The following DMD variants were observed in gnomAD, a reference collection of about 807,000 sequenced individuals.
DMD encodes mutant dystrophin.
A neutral mutation model predicts 330.1 loss-of-function variants in DMD; 63 were observed. The observed-to-expected ratio is 0.19, with a 90% CI of 0.16 to 0.24. The LOEUF (loss-of-function observed/expected upper bound fraction) is 0.24, where lower values mean the gene tolerates loss of function less well. Ranked by LOEUF, DMD falls within the 10% of genes least tolerant of loss-of-function variation. DMD has a pLI of 1.00. For synonymous variants in DMD, 1,223 were observed against 959.8 expected, an observed-to-expected ratio of 1.27 and a Z score of -5.07; for missense variants, 3,344 against 2,684.1, an observed-to-expected ratio of 1.25 and a Z score of -5.43.
intron 55 of DMD, among the ~76,000 whole-genome samples, chrX:31,549,102 T>A (rs1005124835): frequency 3.6e-5 from 4 of 111,626 alleles, no homozygotes; most frequent in Admixed American, 2.9e-4. Context: ...ATTGAAATTG[T>A]GTGAAATTAG....
At chrX:32,877,813 T>G (rs932565234) in intron 2 of DMD, among the ~76,000 whole-genome samples, 6 of 111,877 alleles carry the variant, frequency 5.4e-5, no homozygotes, top group African/African-American at 2.0e-4. Context: ...TGTATCAAGT[T>G]GCAACAAGCT....
chrX:31,369,553 G>A (rs1162151775), intron 60 of DMD, among the ~76,000 whole-genome samples: 3 of 111,635 alleles, frequency 2.7e-5, no homozygotes, highest in Non-Finnish European at 3.8e-5. Flanking sequence ...TGGGTGAAGC[G>A]TAGCGTTCAT....
intron 63 of DMD, among the ~76,000 whole-genome samples, chrX:31,256,358 G>A (rs2049957733): frequency 9.0e-6 from 1 of 111,479 alleles, no homozygotes; most frequent in Non-Finnish European, 1.9e-5. Flanking sequence ...TCATCATAGT[G>A]AACCTTTAAA....
In DMD at chrX:32,287,461, T is replaced by C; in HGVS notation, c.6290+68A>G. The C allele has an allele frequency of 3.7e-6, 4 of 1,075,418 alleles. No individual in the cohort carries two copies. In the South Asian group the frequency reaches 7.6e-5, roughly 21 times the overall value. 88.6% of individuals were successfully genotyped at this position (1,075,418 alleles called of 1,213,427 possible). On this transcript the variant is annotated intron_variant, in intron 43 of 78. Transcript: ENST00000357033. ...CTTTTTTCCATGGAGGGTACTGAAA[T>C]AAATTCTACAGTTCCCTGAAAACAA...
At chrX:31,686,537 A>G (rs1159362293) in intron 52 of DMD, among the ~76,000 whole-genome samples, 1 of 112,168 alleles carries the variant, frequency 8.9e-6, no homozygotes, top group Non-Finnish European at 1.9e-5. Context: ...AACCACATTC[A>G]TTTGTATAAA....
intron 47 of DMD, among the ~76,000 whole-genome samples, chrX:31,897,273 T>C (rs1219629203): frequency 8.9e-6 from 1 of 111,887 alleles, no homozygotes; most frequent in Non-Finnish European, 1.9e-5. Flanking sequence ...TATGGCTGCA[T>C]AGTATTGCAT....
At chrX:32,540,117 T>C (rs1040004925) in intron 17 of DMD, among the ~76,000 whole-genome samples, 21 of 111,796 alleles carry the variant, frequency 1.9e-4, no homozygotes, top group African/African-American at 5.9e-4. Context: ...AAATAACTGC[T>C]ACATGATTAG....
intron 2 of DMD, among the ~76,000 whole-genome samples, chrX:32,854,776 C>T (rs894896555): frequency 3.6e-5 from 4 of 111,083 alleles, no homozygotes; most frequent in African/African-American, 1.3e-4. Context: ...ATTGAAACAC[C>T]TAATACTCAA....
At chrX:31,140,768 G>A (rs1033714673) in intron 76 of DMD, among the ~76,000 whole-genome samples, 2 of 48,118 alleles carry the variant, frequency 4.2e-5, no homozygotes, top group African/African-American at 9.9e-5. Flanking sequence ...AACTCAACAA[G>A]CACTTTACTG....
intron 1 of DMD, among the ~76,000 whole-genome samples, chrX:33,133,594 G>C (rs867508601): frequency 9.0e-6 from 1 of 111,620 alleles, no homozygotes; most frequent in Middle Eastern, 4.4e-3. Flanking sequence ...TTCTCAATAA[G>C]AGTAAAGGAT....
intron 16 of DMD, among the ~76,000 whole-genome samples, chrX:32,549,811 T>G (rs1603636051): frequency 8.9e-6 from 1 of 112,061 alleles, no homozygotes; most frequent in East Asian, 2.8e-4. Context: ...AATGAAGTTC[T>G]TTCTTTCCAT....
chrX:31,155,425 C>T (rs1229524410), intron 74 of DMD, among the ~76,000 whole-genome samples: 1 of 112,268 alleles, frequency 8.9e-6, no homozygotes, highest in African/African-American at 3.2e-5. Context: ...TGAGCACACA[C>T]AGGGATTATT....
chrX:31,801,357 T>A (rs1277313989), intron 50 of DMD, among the ~76,000 whole-genome samples: 20 of 110,997 alleles, frequency 1.8e-4, no homozygotes, highest in Non-Finnish European at 7.5e-5. Context: ...CATGATTCAA[T>A]TACTTCCCCC....
intron 1 of DMD, among the ~76,000 whole-genome samples, chrX:33,201,589 GAATGTATGCAACTA>G (rs1444489034): frequency 9.0e-6 from 1 of 111,487 alleles, no homozygotes; most frequent in Non-Finnish European, 1.9e-5. Flanking sequence ...TACACTATAT[GAATGTATGCAACTA>G]AATATCACAC....
Position 32,317,273 on chromosome X carries a change from T to A in DMD, c.5923-6997A>T, listed in dbSNP as rs535216811. 3.0e-4 allele frequency among the ~76,000 whole-genome samples: 34 copies of A among 111,496 alleles called. No homozygotes were observed. The South Asian group carries it at 7.8e-3, about 26-fold the overall frequency. On this transcript the variant is annotated intron_variant, in intron 41 of 78. Coordinates refer to ENST00000357033, the MANE Select transcript of DMD (RefSeq NM_004006.3). ...CTCATTTTCTAGAAACAAAAAGATA[T>A]GTGAAAGAAACCATAAAATGCCTAT... is the stretch of plus-strand genomic sequence containing the variant.
chrX:32,986,472 A>C lies in DMD; in HGVS notation c.93+33667T>G, dbSNP rs188599608. On this transcript the variant is annotated intron_variant, in intron 2 of 78. Coordinates refer to ENST00000357033, the MANE Select transcript of DMD (RefSeq NM_004006.3). ...ATCATTTTAAAGAGCTCTCTCAGTG[A>C]GTATTAATTGTGTTCATAGCTAGAT... Among the ~76,000 whole-genome samples the C allele has an allele frequency of 2.0e-3, 227 of 112,455 alleles. 1 individual carries two copies. Among genetic ancestry groups the C allele is most frequent in the Non-Finnish European group, 3.5e-3 (189 of 53,293 alleles).
At chrX:33,273,807 A>G (rs1275130724) in intron 1 of DMD, among the ~76,000 whole-genome samples, 1 of 112,354 alleles carries the variant, frequency 8.9e-6, no homozygotes, top group African/African-American at 3.2e-5. Flanking sequence ...CTCTGTAAAT[A>G]TGAGAGGCAA....
intron 47 of DMD, among the ~76,000 whole-genome samples, chrX:31,910,515 C>T (rs762466636): frequency 8.9e-6 from 1 of 112,172 alleles, no homozygotes; most frequent in East Asian, 2.8e-4. Context: ...TCTCCTTGGA[C>T]CGTCTAGTGC....
At chrX:32,435,170 T>C (rs186940622) in intron 29 of DMD, among the ~76,000 whole-genome samples, 116 of 105,894 alleles carry the variant, frequency 1.1e-3, no homozygotes, top group African/African-American at 3.9e-3. Context: ...TATTTCATAT[T>C]GCACTATCTG....
Sources: gnomAD v4.1 joint callset for allele counts (sites outside exome capture counted in the v4.1 genomes callset) on GRCh38, gnomAD v4.1.1 for gene constraint, MANE v1.5 for transcripts, NCBI Gene and HGNC (gene_info 2026-07-23, HGNC 2026-07-21) for gene names.